NFIX: variants seen among roughly 807,000 people sequenced by gnomAD.
The protein encoded by NFIX is nuclear factor I X.
Under a neutral mutation model 53.3 loss-of-function variants are expected in NFIX, and 2 were observed. The ratio of observed to expected loss-of-function variants is 0.04; its 90% CI spans 0.02 to 0.12. The LOEUF (loss-of-function observed/expected upper bound fraction) is 0.12, where lower values mean the gene tolerates loss of function less well. NFIX is among the 10% of genes least tolerant of loss of function. The pLI, the probability that NFIX is intolerant of heterozygous loss-of-function variation, is 1.00. For missense variants in NFIX, 310 were observed against 674.5 expected, an observed-to-expected ratio of 0.46 and a Z score of 5.99; for synonymous variants, 244 against 289.0, an observed-to-expected ratio of 0.84 and a Z score of 1.58.
intron 1 of NFIX, among the ~76,000 whole-genome samples, chr19:13,023,240 G>GCA (rs1050735003): frequency 6.7e-6 from 1 of 149,132 alleles, no homozygotes; most frequent in Non-Finnish European, 1.5e-5. Flanking sequence ...CAACCAGTGC[G>GCA]CACACACACG....
chr19:13,088,083 C>T lies in NFIX; in HGVS notation c.1349C>T (p.Ser450Phe). 1.3e-6 allele frequency: 2 copies of T among 1,536,482 alleles called. No homozygotes were observed. The highest frequency in any genetic ancestry group is 8.7e-7 in the Non-Finnish European group (1 of 1,146,974). Residue 450 changes from serine (S) to phenylalanine (F), a missense_variant, in exon 9 of 11, where the codon TCC (serine) becomes TTC (phenylalanine). By Grantham distance (155) the Ser-to-Phe change is radical. Coordinates refer to ENST00000592199, the MANE Select transcript of NFIX (RefSeq NM_001365902.3). The surrounding 1 kb of genome is among the most constrained non-coding windows in gnomAD (Gnocchi z 5.9). ...ARPVPLPMPDSKSTSTAPDGA... is the reference protein window; with the variant it reads ...ARPVPLPMPDFKSTSTAPDGA... ...CCTGTGCCCCTTCCTATGCCTGATT[C>T]CAAATCCACCAGCACTGCCCCAGAC...
intron 2 of NFIX, among the ~76,000 whole-genome samples, chr19:13,048,937 G>A (rs2145306371): frequency 6.6e-6 from 1 of 152,176 alleles, no homozygotes; most frequent in East Asian, 1.9e-4. Context: ...CATTAGCCAA[G>A]TGTGGTGATG....
intron 2 of NFIX, among the ~76,000 whole-genome samples, chr19:13,046,888 T>C (rs1366613231): frequency 6.6e-6 from 1 of 151,970 alleles, no homozygotes; most frequent in Non-Finnish European, 1.5e-5. Context: ...CAGGAGAGGG[T>C]CAGAGTTCCA....
In NFIX at chr19:13,025,544, A is replaced by G; in HGVS notation, c.551A>G (p.His184Arg). 1 of 1,610,160 alleles carries G rather than the reference A, an allele frequency of 6.2e-7. No homozygotes were observed. The highest frequency in any genetic ancestry group is 8.5e-7 in the Non-Finnish European group (1 of 1,177,594). Residue 184 changes from histidine (H) to arginine (R), a missense_variant, in exon 2 of 11, where the codon CAC becomes CGC. Coordinates refer to ENST00000592199, the MANE Select transcript of NFIX (RefSeq NM_001365902.3). The surrounding 1 kb of genome is among the most constrained non-coding windows in gnomAD (Gnocchi z 7.5). The part of the protein sequence containing the change: ...ELDLYLAYFV[H>R]TPESGQSDSS... ...GATCTTTATCTGGCTTACTTTGTCCACACTCCGGGTAGGTCGTTCTCAACC... is the reference window on the plus strand; with the variant it reads ...GATCTTTATCTGGCTTACTTTGTCCGCACTCCGGGTAGGTCGTTCTCAACC...
Position 13,090,970 on chromosome 19 carries a change from C to T in NFIX, c.1494+580C>T, listed in dbSNP as rs1052525072. ...CTGGAGACCTCATCCTTGCTCCTAT[C>T]CCCTGCTGACACCACCCTTAGTTCT... On this transcript the variant is annotated intron_variant, in intron 10 of 10. Transcript: ENST00000592199. The surrounding 1 kb of genome is among the most constrained non-coding windows in gnomAD (Gnocchi z 6.6). Among the ~76,000 whole-genome samples, 6 of 152,154 alleles carry T rather than the reference C, an allele frequency of 3.9e-5. No homozygotes were observed. The highest frequency in any genetic ancestry group is 1.4e-4 in the African/African-American group (6 of 41,434).
intron 2 of NFIX, among the ~76,000 whole-genome samples, chr19:13,055,751 A>G (rs958709480): frequency 6.6e-6 from 1 of 152,070 alleles, no homozygotes. Context: ...GGCTGGCCCC[A>G]GGTTCCCCAG....
chr19:13,076,373 A>G (rs555241024), intron 6 of NFIX, among the ~76,000 whole-genome samples: 10 of 151,820 alleles, frequency 6.6e-5, no homozygotes, highest in African/African-American at 1.9e-4. Context: ...TTCTTGTTGA[A>G]CCCACCCCCC....
At position 13,088,122 on chromosome 19, in the gene NFIX, C is replaced by T; in HGVS notation, c.1388C>T (p.Thr463Ile). ...ACTGCCCCAGACGGCGCCGCCTTGA[C>T]TCCTCCATCACCTTGTAAGTGGACG... ...TSTAPDGAAL[T>I]PPSPSFATTG... The change falls in exon 9 of 11, where the codon ACT becomes ATT. Residue 463 changes from threonine (T) to isoleucine (I), a missense_variant. Around this residue, in one of 5 missense-constraint regions of NFIX, gnomAD observed 44 missense variants for 73.4 expected, o/e 0.60. Coordinates refer to ENST00000592199, the MANE Select transcript of NFIX (RefSeq NM_001365902.3). This position sits in a 1 kb window ranked among gnomAD's most constrained non-coding sequence, Gnocchi z 5.9. The T allele has an allele frequency of 6.5e-7, 1 of 1,536,670 alleles. No individual in the cohort carries two copies. Among genetic ancestry groups the T allele is most frequent in the Non-Finnish European group, 8.7e-7 (1 of 1,147,010 alleles).
intron 1 of NFIX, among the ~76,000 whole-genome samples, chr19:13,015,285 A>G (rs1397890206): frequency 6.6e-6 from 1 of 152,122 alleles, no homozygotes; most frequent in Admixed American, 6.5e-5. Flanking sequence ...TTTAATTTTA[A>G]AATTATAAAG....
Position 13,027,398 on chromosome 19 carries a change from G to GT in NFIX, c.559+1847dup, listed in dbSNP as rs747479210. 1.3e-5 allele frequency among the ~76,000 whole-genome samples: 2 copies of GT among 152,198 alleles called. No individual in the cohort carries two copies. The highest frequency in any genetic ancestry group is 1.5e-5 in the Non-Finnish European group (1 of 68,038). ...TATACAGCAAGCCAGATTTGGGAGG[G>GT]TGTGTGCCTGGTAGTATTGGAGGTG... On this transcript the variant is annotated intron_variant, in intron 2 of 10. Coordinates refer to ENST00000592199, the MANE Select transcript of NFIX (RefSeq NM_001365902.3). The surrounding 1 kb of genome is among the most constrained non-coding windows in gnomAD (Gnocchi z 4.3).
Position 13,002,339 on chromosome 19 carries a change from G to A in NFIX, c.27+6475G>A, listed in dbSNP as rs1304078985. ...TCGATTTTTGGCTCCAGCTCTGGGC[G>A]CGTTCACTAAAGGAAGAAGGGCTAG... On this transcript the variant is annotated intron_variant, in intron 1 of 10. Coordinates refer to ENST00000592199, the MANE Select transcript of NFIX (RefSeq NM_001365902.3). The surrounding 1 kb of genome is among the most constrained non-coding windows in gnomAD (Gnocchi z 6.1). 6.6e-6 allele frequency among the ~76,000 whole-genome samples: 1 copy of A among 151,954 alleles called. No individual in the cohort carries two copies. Among genetic ancestry groups the A allele is most frequent in the African/African-American group, 2.4e-5 (1 of 41,368 alleles).
chr19:13,062,626 A>G (rs1435858298), intron 2 of NFIX, among the ~76,000 whole-genome samples: 1 of 152,110 alleles, frequency 6.6e-6, no homozygotes, highest in Non-Finnish European at 1.5e-5. Flanking sequence ...TTCCCCAGCC[A>G]TGGACCAGCC....
In NFIX at chr19:13,073,199, C is replaced by T; in HGVS notation, c.622+90C>T. ...CTGGCTGCCCTGGCCACCCTCACTT[C>T]TTCCCCTTCATTCAGCTGTCCCTTG... On this transcript the variant is annotated intron_variant, in intron 3 of 10. Transcript: ENST00000592199. The surrounding 1 kb of genome is among the most constrained non-coding windows in gnomAD (Gnocchi z 4.5). The T allele has an allele frequency of 1.2e-5, 15 of 1,276,252 alleles. No individual in the cohort carries two copies. The highest frequency in any genetic ancestry group is 1.6e-5 in the Non-Finnish European group (14 of 872,580). 79.1% of individuals were successfully genotyped at this position (1,276,252 alleles called of 1,614,324 possible). A position where few individuals can be genotyped will look rare whatever the true frequency, so the allele number is the denominator to read the frequency against.
At position 13,013,920 on chromosome 19, in the gene NFIX, C is replaced by T. The variant is rs1040552092; in HGVS notation, c.28-11101C>T. 1.3e-5 allele frequency: 2 copies of T among 152,182 alleles called. No individual in the cohort carries two copies. The highest frequency in any genetic ancestry group is 2.9e-5 in the Non-Finnish European group (2 of 68,036). 9.4% of individuals were successfully genotyped at this position (152,182 alleles called of 1,614,324 possible). On this transcript the variant is annotated intron_variant, in intron 1 of 10. Transcript: ENST00000592199. The surrounding 1 kb of genome is among the most constrained non-coding windows in gnomAD (Gnocchi z 5.9). The stretch of plus-strand genomic sequence containing the variant: ...AATTATGATTTTAATAAAATTGTCT[C>T]ATTTAGGAGCGAGCTTCTGCGCTGC...
chr19:13,026,754 G>C (rs1255914417), intron 2 of NFIX, among the ~76,000 whole-genome samples: 98 of 152,022 alleles, frequency 6.4e-4, no homozygotes, highest in Admixed American at 6.2e-3. Context: ...CTGTGTGTGT[G>C]TGTGTGTGTG....
chr19:13,057,004 A>G (rs2015740132), intron 2 of NFIX, among the ~76,000 whole-genome samples: 1 of 152,178 alleles, frequency 6.6e-6, no homozygotes, highest in Non-Finnish European at 1.5e-5. Flanking sequence ...AGAGACTCTA[A>G]CTTTCTGGAT....
At chr19:13,046,586 G>T (rs778202716) in intron 2 of NFIX, among the ~76,000 whole-genome samples, 2 of 151,994 alleles carry the variant, frequency 1.3e-5, no homozygotes, top group African/African-American at 4.8e-5. Flanking sequence ...CATCGCTGGG[G>T]ACCCCCTTTA....
intron 2 of NFIX, among the ~76,000 whole-genome samples, chr19:13,064,034 G>A (rs1369545351): frequency 2.0e-5 from 3 of 151,556 alleles, no homozygotes; most frequent in Non-Finnish European, 4.4e-5. Flanking sequence ...AAGCGGGTGG[G>A]GGTGGAAGAG....
chr19:13,053,701 A>T (rs570570580), intron 2 of NFIX, among the ~76,000 whole-genome samples: 1 of 152,278 alleles, frequency 6.6e-6, no homozygotes, highest in Non-Finnish European at 1.5e-5. Flanking sequence ...TGGATTTGGG[A>T]CATATACCCC....
Sources: gnomAD v4.1 joint callset for allele counts (sites outside exome capture counted in the v4.1 genomes callset) on GRCh38, gnomAD v4.1.1 for gene constraint, gnomAD v4.1.1 regional missense constraint, Gnocchi (gnomAD v3.1) non-coding constraint, MANE v1.5 for transcripts, NCBI Gene and HGNC (gene_info 2026-07-23, HGNC 2026-07-21) for gene names.